MFN2: variants seen among roughly 807,000 people sequenced by gnomAD.
The protein encoded by MFN2 is mitofusin 2.
Under a neutral mutation model 87.5 loss-of-function variants are expected in MFN2, and 43 were observed. The ratio of observed to expected loss-of-function variants is 0.49; its 90% confidence interval spans 0.38 to 0.63. MFN2 has a LOEUF of 0.63. Among genes scored for constraint, MFN2 ranks in the 30% least tolerant of loss-of-function variants. The pLI is 0.00. For synonymous variants in MFN2, 337 were observed against 359.9 expected, an observed-to-expected ratio of 0.94 and a Z score of 0.72; for missense variants, 743 against 972.8, an observed-to-expected ratio of 0.76 and a Z score of 3.14.
At chr1:11,988,082 TTTTGTG>T (rs953156078) in intron 2 of MFN2, among the ~76,000 whole-genome samples, 13 of 127,806 alleles carry the variant, frequency 1.0e-4, no homozygotes, top group South Asian at 5.7e-4. Context: ...GACCAATAGT[TTTTGTG>T]TGTGTGTGTG....
At chr1:12,005,156 A>G (rs1052555172) in intron 14 of MFN2, among the ~76,000 whole-genome samples, 4 of 152,204 alleles carry the variant, frequency 2.6e-5, no homozygotes, top group African/African-American at 9.7e-5. Context: ...ATCTTGGCTC[A>G]CTGCAACCTC....
At chr1:12,001,577 T>TC (rs757784437) in intron 9 of MFN2, 23 bp downstream of exon 9, 1 of 1,614,118 alleles carries the variant, frequency 6.2e-7, no homozygotes, top group South Asian at 1.1e-5. Context: ...ACAGATGTCC[T>TC]CCTTTTCTCT....
rs114001798 is a variant in MFN2, at chr1:11,980,747, A to C, written c.-150+263A>C. ...TTTCCACCCTTCACGGCCATGTTCT[A>C]CCCCTGCCCCTTCTCTATTTTTCAT... On this transcript the variant is annotated intron_variant, in intron 1 of 18. Coordinates refer to ENST00000235329, the MANE Select transcript of MFN2 (RefSeq NM_014874.4). Among the ~76,000 whole-genome samples the C allele has an allele frequency of 6.2e-3, 946 of 151,886 alleles. 7 individuals carry two copies. The highest frequency in any genetic ancestry group is 0.022 in the African/African-American group (897 of 41,392).
intron 2 of MFN2, among the ~76,000 whole-genome samples, chr1:11,985,117 ACT>A (rs938131524): frequency 7.2e-5 from 11 of 151,778 alleles, no homozygotes; most frequent in African/African-American, 2.7e-4. Context: ...GGGATCTGAC[ACT>A]CTCTCCAGGT....
intron 3 of MFN2, among the ~76,000 whole-genome samples, chr1:11,989,761 A>G (rs930234859): frequency 2.6e-5 from 4 of 152,258 alleles, no homozygotes; most frequent in Admixed American, 6.5e-5. Context: ...TTTGGGTGTC[A>G]GTGATCCCTG....
At chr1:11,998,682 C>G in intron 6 of MFN2, 88 bp from the exon 7 acceptor site, 1 of 1,211,886 alleles carries the variant, frequency 8.3e-7, no homozygotes, top group South Asian at 1.2e-5. Context: ...CATGACCTGC[C>G]TGCCTCACAA....
chr1:11,986,591 C>CTTT (rs555735351), intron 2 of MFN2, among the ~76,000 whole-genome samples: 4 of 136,792 alleles, frequency 2.9e-5, no homozygotes, highest in Non-Finnish European at 4.8e-5. Context: ...TCTTTTTGAT[C>CTTT]TTTTTTTTTT....
intron 5 of MFN2, among the ~76,000 whole-genome samples, chr1:11,996,664 A>G (rs982997576): frequency 6.6e-6 from 1 of 152,124 alleles, no homozygotes. Flanking sequence ...TCTCTGACCT[A>G]TCAGTCAGGG....
chr1:11,997,026 G>A (rs188706345), intron 5 of MFN2, among the ~76,000 whole-genome samples: 2 of 137,518 alleles, frequency 1.5e-5, no homozygotes, highest in East Asian at 2.1e-4. Flanking sequence ...GTGACAGAGC[G>A]AGACTCCGTC....
At chr1:11,985,278 T>G (rs1039243993) in intron 2 of MFN2, among the ~76,000 whole-genome samples, 11 of 152,012 alleles carry the variant, frequency 7.2e-5, no homozygotes, top group African/African-American at 2.7e-4. Flanking sequence ...TTGAGACAGT[T>G]TCTCTCTCCA....
Position 12,003,645 on chromosome 1 carries a change from CAA to C in MFN2, c.1161-346_1161-345del, listed in dbSNP as rs1639272538. The stretch of plus-strand genomic sequence containing the variant: ...TGCCATTGCACTCCAGCCTGGGCAA[CAA>C]GAGTGAAACTCCATCTCAAAAAAAA... On this transcript the variant is annotated intron_variant, in intron 11 of 18. Transcript: ENST00000235329. This position sits in a 1 kb window ranked among gnomAD's most constrained non-coding sequence, Gnocchi z 4.1. Among the ~76,000 whole-genome samples the C allele has an allele frequency of 6.9e-6, 1 of 144,216 alleles. No individual in the cohort carries two copies. Among genetic ancestry groups the C allele is most frequent in the South Asian group, 2.2e-4 (1 of 4,606 alleles). 94.6% of individuals were successfully genotyped at this position (144,216 alleles called of 152,430 possible).
intron 2 of MFN2, among the ~76,000 whole-genome samples, chr1:11,982,372 C>A (rs993243476): frequency 6.6e-6 from 1 of 152,162 alleles, no homozygotes; most frequent in African/African-American, 2.4e-5. Flanking sequence ...TAGTCTCTGT[C>A]TCCCTCATTT....
chr1:11,983,296 C>T (rs994347439), intron 2 of MFN2, among the ~76,000 whole-genome samples: 1 of 152,220 alleles, frequency 6.6e-6, no homozygotes, highest in Non-Finnish European at 1.5e-5. Flanking sequence ...TGGTCTCGAA[C>T]TCCTGACCTT....
chr1:11,988,218 C>G (rs1350274979), intron 2 of MFN2, among the ~76,000 whole-genome samples: 1 of 151,862 alleles, frequency 6.6e-6, no homozygotes, highest in Non-Finnish European at 1.5e-5. Context: ...TTCTCTGCCT[C>G]AGCCTCCCAA....
At chr1:11,995,524 T>C (rs913366607) in intron 4 of MFN2, among the ~76,000 whole-genome samples, 14 of 151,486 alleles carry the variant, frequency 9.2e-5, no homozygotes, top group East Asian at 5.9e-4. Context: ...TCCCAGCTAC[T>C]TGGGAGGCTG....
In MFN2 at chr1:12,004,936, C is replaced by T. The variant is rs375494746; in HGVS notation, c.1495+9C>T. ...GCAGCAGGACATGATAGGTTAGTGC[C>T]CATGGGGAACTGGGCAGCTGTGGCC... is the stretch of plus-strand genomic sequence containing the variant. On this transcript the variant is annotated intron_variant, in intron 14 of 18. Coordinates refer to ENST00000235329, the MANE Select transcript of MFN2 (RefSeq NM_014874.4). This position sits in a 1 kb window ranked among gnomAD's most constrained non-coding sequence, Gnocchi z 4.2. 9.3e-4 allele frequency: 1,479 copies of T among 1,598,830 alleles called. 2 individuals carry two copies. Among genetic ancestry groups the T allele is most frequent in the Non-Finnish European group, 1.2e-3 (1,431 of 1,172,284 alleles).
chr1:12,001,933 G>A (rs774356973), intron 10 of MFN2, 49 bp from the exon 11 acceptor site: 2 of 1,614,026 alleles, frequency 1.2e-6, no homozygotes, highest in African/African-American at 1.3e-5. Flanking sequence ...GCCCTTGGTT[G>A]TAGGCCCCTG....
rs767601252 is a variant in MFN2, at chr1:11,998,875, G to A, written c.705G>A (p.Gln235=). ...LVANSESTLM[Q]TEKHFFHKVS... is the part of the protein sequence containing the mutation. Reference sequence around the variant, plus strand: ...CCAACTCAGAGTCCACCCTGATGCAGACGGTAACTCCTCCTCTGCCTTCTC... The same window carrying A: ...CCAACTCAGAGTCCACCCTGATGCAAACGGTAACTCCTCCTCTGCCTTCTC... The change falls in exon 7 of 19, where the codon CAG becomes CAA. Residue 235 remains glutamine (Q), a synonymous_variant. Transcript: ENST00000235329. The A allele has an allele frequency of 1.2e-6, 2 of 1,614,058 alleles. No individual in the cohort carries two copies. The highest frequency in any genetic ancestry group is 4.5e-5 in the East Asian group (2 of 44,900).
At chr1:12,002,883 G>T (rs140923402) in intron 11 of MFN2, among the ~76,000 whole-genome samples, 1 of 152,186 alleles carries the variant, frequency 6.6e-6, no homozygotes, top group Admixed American at 6.5e-5. Flanking sequence ...TTACATAAAT[G>T]CTGAGGAATA....
Sources: allele counts gnomAD v4.1 joint callset (sites outside exome capture counted in the v4.1 genomes callset), GRCh38; gene constraint gnomAD v4.1.1; non-coding constraint Gnocchi (gnomAD v3.1); transcripts MANE v1.5; gene names NCBI Gene and HGNC (gene_info 2026-07-23, HGNC 2026-07-21).